Variants in NFE2L3 observed in about 807,000 individuals in gnomAD.
NFE2L3 encodes nuclear factor erythroid 2-related factor 3.
In NFE2L3, 18 loss-of-function variants were observed where a neutral mutation model predicts 23.5. That is an observed-to-expected ratio of 0.77 (90% CI 0.53 to 1.13). The LOEUF is 1.13. Ranked by LOEUF, NFE2L3 falls within the 50% of genes most tolerant of loss-of-function variation. The pLI is 0.00. For missense variants in NFE2L3, 1,152 were observed against 877.2 expected (o/e 1.31, Z -3.96); for synonymous variants, 424 against 354.5 (o/e 1.20, Z -2.20).
intron 2 of NFE2L3, among the ~76,000 whole-genome samples, chr7:26,180,965 CTTTTT>C (rs112896552): frequency 1.4e-5 from 2 of 146,146 alleles, no homozygotes; most frequent in Admixed American, 6.8e-5. Context: ...GTACTTAACA[CTTTTT>C]TTTTTTTTGA....
At chr7:26,154,353 T>C (rs1019587195) in intron 1 of NFE2L3, among the ~76,000 whole-genome samples, 1 of 152,164 alleles carries the variant, frequency 6.6e-6, no homozygotes, top group Non-Finnish European at 1.5e-5. Context: ...ACTACCACCA[T>C]TCCTGGTTCT....
rs917001667 is a variant in NFE2L3, at chr7:26,186,022, A to G, written c.*239A>G. ...GAAGTGCATTGTATACAAAATTCATAGTTATGTCCAAAGAATAGGTTAACA... is the reference window on the plus strand; with the variant it reads ...GAAGTGCATTGTATACAAAATTCATGGTTATGTCCAAAGAATAGGTTAACA... On this transcript the variant is annotated 3_prime_UTR_variant, in exon 4 of 4. Coordinates refer to ENST00000056233, the MANE Select transcript of NFE2L3 (RefSeq NM_004289.7). The G allele has an allele frequency of 1.1e-5, 4 of 363,292 alleles. No individual in the cohort carries two copies. The Admixed American group carries it at 1.7e-4, about 16-fold the overall frequency. 22.5% of individuals were successfully genotyped at this position (363,292 alleles called of 1,614,324 possible).
chr7:26,187,105 A>T lies in NFE2L3; in HGVS notation c.*1322A>T, dbSNP rs1225145153. The T allele has an allele frequency of 6.6e-6, 1 of 152,216 alleles. No homozygotes were observed. Among genetic ancestry groups the T allele is most frequent in the Non-Finnish European group, 1.5e-5 (1 of 68,040 alleles). The allele number at this position is 152,216 out of a possible 1,614,324, so 9.4% of individuals were successfully genotyped here. Reference sequence around the variant, plus strand: ...ATATATACCGTTGGATTTTTATAATAAAGTTTCCCAAGACCTGTTATTTTG... The same window carrying T: ...ATATATACCGTTGGATTTTTATAATTAAGTTTCCCAAGACCTGTTATTTTG... On this transcript the variant is annotated 3_prime_UTR_variant, in exon 4 of 4. Coordinates refer to ENST00000056233, the MANE Select transcript of NFE2L3 (RefSeq NM_004289.7).
intron 1 of NFE2L3, among the ~76,000 whole-genome samples, chr7:26,168,836 G>A (rs985141193): frequency 2.6e-5 from 4 of 152,086 alleles, no homozygotes; most frequent in South Asian, 2.1e-4. Flanking sequence ...ACCAGCAGGG[G>A]AGAAGTGTTC....
In NFE2L3 at chr7:26,166,138, G is replaced by A. The variant is rs957878026; in HGVS notation, c.571-11805G>A. ...CAGTGTGAAGCGAGCGGGTGGGGCG[G>A]GGGGGAAAGAATTCACCCTGGATGG... is the stretch of plus-strand genomic sequence containing the variant. On this transcript the variant is annotated intron_variant, in intron 1 of 3. Transcript: ENST00000056233. Among the ~76,000 whole-genome samples the A allele has an allele frequency of 2.0e-4, 7 of 35,250 alleles. 1 individual carries two copies. The highest frequency in any genetic ancestry group is 2.1e-3 in the East Asian group (1 of 470). The allele number at this position is 35,250 out of a possible 152,430, so 23.1% of individuals were successfully genotyped here.
chr7:26,153,039 G>C lies in NFE2L3; in HGVS notation c.541G>C (p.Val181Leu). The C allele has an allele frequency of 6.5e-7, 1 of 1,527,754 alleles. No individual in the cohort carries two copies. The highest frequency in any genetic ancestry group is 8.8e-7 in the Non-Finnish European group (1 of 1,141,132). 94.6% of individuals were successfully genotyped at this position (1,527,754 alleles called of 1,614,324 possible). Reference protein sequence around the residue: ...EKAPAEPTAQVPDAGGCASEE... With the variant: ...EKAPAEPTAQLPDAGGCASEE... ...GGCACCCGCGGAACCGACGGCTCAG[G>C]TGCCGGACGCTGGCGGATGTGCGAG... The change falls in exon 1 of 4, where the codon GTG (valine) becomes CTG (leucine). Residue 181 changes from valine to leucine, a missense_variant. Transcript: ENST00000056233.
intron 2 of NFE2L3, among the ~76,000 whole-genome samples, chr7:26,179,061 A>G (rs1179443639): frequency 1.3e-5 from 2 of 152,098 alleles, no homozygotes; most frequent in East Asian, 3.9e-4. Flanking sequence ...AAATCAGAAA[A>G]CAGGTTTGTT....
At chr7:26,177,491 G>T (rs375050262) in intron 1 of NFE2L3, among the ~76,000 whole-genome samples, 53 of 152,284 alleles carry the variant, frequency 3.5e-4, no homozygotes, top group African/African-American at 1.3e-3. Context: ...CAGGCACTGG[G>T]CGGGCCGAGG....
In NFE2L3 at chr7:26,152,473, G is replaced by T. The variant is rs542719010; in HGVS notation, c.-26G>T. On this transcript the variant is annotated 5_prime_UTR_variant, in exon 1 of 4. In the 5' UTR this introduces an upstream ATG that the reference lacks. Transcript: ENST00000056233. The surrounding 1 kb of genome is among the most constrained non-coding windows in gnomAD (Gnocchi z 4.4). ...GCGCCGGGACCCGCGGGCGCCGGCAGGGGCGTTCCCGGGCGCGCGGCGGCG... is the reference window on the plus strand; with the variant it reads ...GCGCCGGGACCCGCGGGCGCCGGCATGGGCGTTCCCGGGCGCGCGGCGGCG... The T allele has an allele frequency of 1.6e-6, 2 of 1,272,220 alleles. No homozygotes were observed. Among genetic ancestry groups the T allele is most frequent in the Non-Finnish European group, 2.0e-6 (2 of 1,010,918 alleles). The allele number at this position is 1,272,220 out of a possible 1,614,324, so 78.8% of individuals were successfully genotyped here. A position where few individuals can be genotyped will look rare whatever the true frequency, so the allele number is the denominator to read the frequency against.
rs748678553 is a variant in NFE2L3 at position 26,183,679 on chromosome 7, C to T, written c.751-22C>T. On this transcript the variant is annotated intron_variant, in intron 2 of 3. Transcript: ENST00000056233. Reference sequence around the variant, plus strand: ...AGTTCAGTCTTTTATGTGAAAGATGCACTTTTTGTGTTTCTCTACAGAGAC... The same window carrying T: ...AGTTCAGTCTTTTATGTGAAAGATGTACTTTTTGTGTTTCTCTACAGAGAC... 19 of 1,484,646 alleles carry T rather than the reference C, an allele frequency of 1.3e-5. No homozygotes were observed. The South Asian group carries it at 2.2e-4, about 17-fold the overall frequency. 92.0% of individuals were successfully genotyped at this position (1,484,646 alleles called of 1,614,324 possible).
intron 3 of NFE2L3, 171 bp from the exon 4 acceptor site, chr7:26,184,362 C>A: frequency 1.7e-6 from 1 of 582,360 alleles, no homozygotes. Context: ...GATTTGGACT[C>A]ACATCTCGTA....
In NFE2L3 at chr7:26,185,806, A is replaced by G; in HGVS notation, c.*23A>G. 1.9e-6 allele frequency: 3 copies of G among 1,556,186 alleles called. No individual in the cohort carries two copies. The highest frequency in any genetic ancestry group is 2.2e-5 in the Admixed American group (1 of 45,528). ...TGAGAAGAAACTGAAGATGGACTCTATTATGTGAAGTAGTAATGTTCAGAA... is the reference window on the plus strand; with the variant it reads ...TGAGAAGAAACTGAAGATGGACTCTGTTATGTGAAGTAGTAATGTTCAGAA... On this transcript the variant is annotated 3_prime_UTR_variant, in exon 4 of 4. Coordinates refer to ENST00000056233, the MANE Select transcript of NFE2L3 (RefSeq NM_004289.7).
Position 26,152,832 on chromosome 7 carries a change from C to T in NFE2L3, c.334C>T (p.Leu112=), listed in dbSNP as rs1181309854. 2 of 1,482,272 alleles carry T rather than the reference C, an allele frequency of 1.3e-6. No homozygotes were observed. The highest frequency in any genetic ancestry group is 2.9e-5 in the East Asian group (1 of 34,296). The allele number at this position is 1,482,272 out of a possible 1,614,324, so 91.8% of individuals were successfully genotyped here. A position where few individuals can be genotyped will look rare whatever the true frequency, so the allele number is the denominator to read the frequency against. The part of the protein sequence containing the change: ...FVPRTSVDAW[L]VHSVAAGSAD... ...CCCTCGCACCAGCGTGGATGCATGG[C>T]TGGTGCACAGCGTGGCTGCCGGGAG... is the stretch of plus-strand genomic sequence containing the variant. Residue 112 remains leucine (L), a synonymous_variant, in exon 1 of 4, where the codon CTG becomes TTG. Transcript: ENST00000056233. The surrounding 1 kb of genome is among the most constrained non-coding windows in gnomAD (Gnocchi z 4.4).
chr7:26,152,869 C>T lies in NFE2L3; in HGVS notation c.371C>T (p.Ala124Val). Residue 124 changes from alanine to valine, a missense_variant, in exon 1 of 4, where the codon GCC becomes GTC. Ala to Val is a moderately conservative substitution (Grantham distance 64). Transcript: ENST00000056233. This position sits in a 1 kb window ranked among gnomAD's most constrained non-coding sequence, Gnocchi z 4.4. ...GTGGCTGCCGGGAGCGCGGACGAGG[C>T]CCACGGGCTGCTCGGCGCCGCCGCC... ...HSVAAGSADE[A>V]HGLLGAAAAS... 6.8e-7 allele frequency: 1 copy of T among 1,467,424 alleles called. No individual in the cohort carries two copies. The highest frequency in any genetic ancestry group is 2.5e-5 in the Admixed American group (1 of 39,638). The allele number at this position is 1,467,424 out of a possible 1,614,324, so 90.9% of individuals were successfully genotyped here.
At chr7:26,160,852 G>A (rs991587401) in intron 1 of NFE2L3, among the ~76,000 whole-genome samples, 2 of 152,216 alleles carry the variant, frequency 1.3e-5, no homozygotes, top group African/African-American at 4.8e-5. Flanking sequence ...ACGCCATCCA[G>A]CTCCACCTCT....
rs753678658 is a variant in NFE2L3, at chr7:26,176,694, C to CAA, written c.571-1249_571-1248insAA. ...GCAGAGGCGCTCCTCACTTCCCAGA[C>CAA]GGGGTGGCCAGGCAGAGGCGCTCCT... On this transcript the variant is annotated intron_variant, in intron 1 of 3. Coordinates refer to ENST00000056233, the MANE Select transcript of NFE2L3 (RefSeq NM_004289.7). 3.8e-3 allele frequency among the ~76,000 whole-genome samples: 196 copies of CAA among 51,526 alleles called. 7 individuals are homozygous for CAA. Among genetic ancestry groups the CAA allele is most frequent in the Admixed American group, 4.5e-3 (26 of 5,810 alleles). The allele number at this position is 51,526 out of a possible 152,430, so 33.8% of individuals were successfully genotyped here.
At chr7:26,176,439 C>G (rs1354250461) in intron 1 of NFE2L3, among the ~76,000 whole-genome samples, 3 of 152,120 alleles carry the variant, frequency 2.0e-5, no homozygotes, top group Non-Finnish European at 2.9e-5. Context: ...TGCACAGCAG[C>G]CAGGCAGAGG....
chr7:26,183,336 T>C, intron 2 of NFE2L3, among the ~76,000 whole-genome samples: 2 of 151,956 alleles, frequency 1.3e-5, no homozygotes, highest in African/African-American at 2.4e-5. Context: ...TCACTTGCGG[T>C]CAAAAGTTCG....
At chr7:26,169,454 T>G (rs1281321310) in intron 1 of NFE2L3, among the ~76,000 whole-genome samples, 2 of 152,146 alleles carry the variant, frequency 1.3e-5, no homozygotes, top group Non-Finnish European at 2.9e-5. Flanking sequence ...TGACAGGTCA[T>G]GGGATGTGGG....
Sources: gnomAD v4.1 joint callset for allele counts (sites outside exome capture counted in the v4.1 genomes callset) on GRCh38, gnomAD v4.1.1 for gene constraint, Gnocchi (gnomAD v3.1) non-coding constraint, MANE v1.5 for transcripts, NCBI Gene and HGNC (gene_info 2026-07-23, HGNC 2026-07-21) for gene names.